Variants in CNMD observed in about 807,000 individuals in gnomAD.
CNMD encodes chondromodulin, also known as leukocyte cell-derived chemotaxin 1.
CNMD carries 30 observed loss-of-function variants against 37.5 expected under a neutral mutation model. The ratio of observed to expected loss-of-function variants is 0.80; its 90% CI spans 0.60 to 1.09. The LOEUF is 1.09. CNMD is among the 50% of genes least tolerant of loss of function. The pLI is 0.00. For synonymous variants in CNMD, 167 were observed against 148.2 expected (o/e 1.13, Z -0.92); for missense variants, 398 against 423.9 (o/e 0.94, Z 0.54).
intron 3 of CNMD, among the ~76,000 whole-genome samples, chr13:52,732,253 T>C (rs1421790045): frequency 6.6e-6 from 1 of 152,224 alleles, no homozygotes; most frequent in East Asian, 1.9e-4. Context: ...TTTTTCATTA[T>C]GAAGTTTCAC....
intron 3 of CNMD, among the ~76,000 whole-genome samples, chr13:52,727,247 T>C (rs1410513169): frequency 6.6e-6 from 1 of 152,038 alleles, no homozygotes. Context: ...TCAGCCTGGG[T>C]GACAGAGCCA....
At position 52,735,996 on chromosome 13, in the gene CNMD, AT is replaced by A. The variant is rs59060322; in HGVS notation, c.214-2638del. Among the ~76,000 whole-genome samples the A allele has an allele frequency of 9.9e-3, 1,312 of 133,040 alleles. 36 individuals are homozygous for A. The East Asian group carries it at 0.13, about 13-fold the overall frequency. The allele number at this position is 133,040 out of a possible 152,430, so 87.3% of individuals were successfully genotyped here. On this transcript the variant is annotated intron_variant, in intron 2 of 6. Transcript: ENST00000377962. ...AGGCATGCGCCACCACGCCCAGCTA[AT>A]TTTTTTTTTTTTTTGAGACGGAGTC...
intron 4 of CNMD, among the ~76,000 whole-genome samples, chr13:52,723,232 T>C (rs752822634): frequency 6.6e-6 from 1 of 152,182 alleles, no homozygotes; most frequent in Admixed American, 6.5e-5. Context: ...GCTGGGACTA[T>C]AGGTACGCAC....
chr13:52,706,633 AGTC>A (rs1213964995), intron 6 of CNMD, among the ~76,000 whole-genome samples: 2 of 152,216 alleles, frequency 1.3e-5, no homozygotes, highest in Admixed American at 6.5e-5. Context: ...AATGAATAGT[AGTC>A]ATTAAATGAA....
At chr13:52,726,494 C>T (rs1594286571) in intron 3 of CNMD, among the ~76,000 whole-genome samples, 1 of 151,346 alleles carries the variant, frequency 6.6e-6, no homozygotes, top group Non-Finnish European at 1.5e-5. Context: ...CAGACACCAC[C>T]GACGCTGTTT....
chr13:52,725,379 A>G (rs1964554344), intron 3 of CNMD, among the ~76,000 whole-genome samples: 1 of 152,136 alleles, frequency 6.6e-6, no homozygotes, highest in Non-Finnish European at 1.5e-5. Context: ...AAAACTTTCT[A>G]CAGCACCTGG....
intron 2 of CNMD, among the ~76,000 whole-genome samples, chr13:52,735,695 AAAT>A (rs1172408358): frequency 1.3e-5 from 2 of 152,120 alleles, no homozygotes; most frequent in African/African-American, 2.4e-5. Flanking sequence ...AAAAAAAAAA[AAAT>A]CTCATAATGT....
Position 52,739,109 on chromosome 13 carries a change from C to A in CNMD, c.135G>T (p.Val45=), listed in dbSNP as rs77837850. 1.2e-3 allele frequency: 1,926 copies of A among 1,571,620 alleles called. 16 individuals carry two copies. The African/African-American group carries it at 0.025, about 20-fold the overall frequency. The part of the protein sequence containing the change: ...SPARLLKVGA[V]VLISGAVLLL... ...GCAGCACAGCTCCCGAAATGAGGAC[C>A]ACGGCTCCCACCTTGAGCAGCCGCG... Residue 45 remains valine, a synonymous_variant, in exon 2 of 7, where the codon GTG becomes GTT. Transcript: ENST00000377962. The surrounding 1 kb of genome is among the most constrained non-coding windows in gnomAD (Gnocchi z 5.4).
At chr13:52,705,039 CAA>C (rs760629748) in intron 6 of CNMD, among the ~76,000 whole-genome samples, 3 of 143,464 alleles carry the variant, frequency 2.1e-5, no homozygotes, top group Middle Eastern at 3.2e-3. Context: ...GCCTGGGTAA[CAA>C]GAGTGAAACT....
intron 6 of CNMD, 64 bp from the exon 7 acceptor site, chr13:52,703,874 AT>A (rs1203360385): frequency 2.1e-5 from 29 of 1,397,744 alleles, no homozygotes; most frequent in Non-Finnish European, 2.7e-5. Context: ...CATGCATGTT[AT>A]TTTTAAATAA....
intron 3 of CNMD, 106 bp downstream of exon 3, chr13:52,733,113 A>G: frequency 9.0e-7 from 1 of 1,111,476 alleles, no homozygotes; most frequent in Non-Finnish European, 1.4e-6. Flanking sequence ...TGCTATAAAG[A>G]ACAGTTACCA....
intron 2 of CNMD, among the ~76,000 whole-genome samples, chr13:52,736,269 C>T (rs1281946117): frequency 7.2e-5 from 11 of 152,242 alleles, no homozygotes; most frequent in Non-Finnish European, 1.3e-4. Context: ...GCTGGGATTA[C>T]AGGCGTGAGC....
chr13:52,735,905 C>G (rs997370524), intron 2 of CNMD, among the ~76,000 whole-genome samples: 4 of 150,454 alleles, frequency 2.7e-5, no homozygotes, highest in African/African-American at 9.8e-5. Context: ...TCTCGACTCA[C>G]TGCAACCTCC....
intron 2 of CNMD, among the ~76,000 whole-genome samples, chr13:52,734,069 G>A (rs1411945639): frequency 6.6e-6 from 1 of 152,196 alleles, no homozygotes; most frequent in Non-Finnish European, 1.5e-5. Context: ...GTGCTGTAGG[G>A]CATTTTGTTA....
chr13:52,712,825 G>T lies in CNMD; in HGVS notation c.513C>A (p.Ile171=). 1 of 1,588,506 alleles carries T rather than the reference G, an allele frequency of 6.3e-7. No individual in the cohort carries two copies. Among genetic ancestry groups the T allele is most frequent in the South Asian group, 1.2e-5 (1 of 84,594 alleles). ...MPVKYEENSL[I]WVAVDQPVKD... is the part of the protein sequence containing the mutation. ...TCACAGGCTGATCTACAGCCACCCAGATAAGAGAATTTTCTTCATATTTGA... is the reference window on the plus strand; with the variant it reads ...TCACAGGCTGATCTACAGCCACCCATATAAGAGAATTTTCTTCATATTTGA... The change falls in exon 5 of 7, where the codon ATC becomes ATA. Residue 171 remains isoleucine, a synonymous_variant. Transcript: ENST00000377962.
intron 4 of CNMD, among the ~76,000 whole-genome samples, chr13:52,714,378 T>TA: frequency 6.6e-6 from 1 of 152,314 alleles, no homozygotes; most frequent in African/African-American, 2.4e-5. Context: ...CAGCCAAACA[T>TA]ATTCCTAATT....
intron 2 of CNMD, among the ~76,000 whole-genome samples, chr13:52,734,161 G>A (rs1964719851): frequency 6.6e-6 from 1 of 152,140 alleles, no homozygotes; most frequent in Non-Finnish European, 1.5e-5. Context: ...GAAAACAGGT[G>A]GCCACACCAC....
At chr13:52,705,886 C>CTCTCT (rs1964166454) in intron 6 of CNMD, among the ~76,000 whole-genome samples, 3 of 152,186 alleles carry the variant, frequency 2.0e-5, no homozygotes, top group Non-Finnish European at 4.4e-5. Context: ...AGGGAATAAA[C>CTCTCT]AGTATTAAAT....
At chr13:52,720,124 G>T (rs1427197386) in intron 4 of CNMD, among the ~76,000 whole-genome samples, 1 of 151,992 alleles carries the variant, frequency 6.6e-6, no homozygotes, top group Admixed American at 6.6e-5. Context: ...AATGGATTTG[G>T]CTACTGATAC....
Sources: allele counts gnomAD v4.1 joint callset (sites outside exome capture counted in the v4.1 genomes callset), GRCh38; gene constraint gnomAD v4.1.1; non-coding constraint Gnocchi (gnomAD v3.1); transcripts MANE v1.5; gene names NCBI Gene and HGNC (gene_info 2026-07-23, HGNC 2026-07-21).